NF1: variants seen among roughly 807,000 people sequenced by gnomAD.
The protein encoded by NF1 is neurofibromin 1.
Under a neutral mutation model 325.7 loss-of-function variants are expected in NF1, and 122 were observed. That is an observed-to-expected ratio of 0.37 (90% CI 0.32 to 0.44). The LOEUF (loss-of-function observed/expected upper bound fraction) is 0.44. NF1 is among the 20% of genes least tolerant of loss of function. The pLI, the probability that NF1 is intolerant of heterozygous loss-of-function variation, is 1.00. For synonymous variants in NF1, 1,091 were observed against 1,186.0 expected, an observed-to-expected ratio of 0.92 and a Z score of 1.65; for missense variants, 2,140 against 3,415.4, an observed-to-expected ratio of 0.63 and a Z score of 9.31.
chr17:31,103,445 A>G (rs938676442), intron 1 of NF1, among the ~76,000 whole-genome samples: 4 of 151,586 alleles, frequency 2.6e-5, no homozygotes, highest in Non-Finnish European at 5.9e-5. Flanking sequence ...GGGTTTTACC[A>G]TGTTGGCTAG....
At chr17:31,354,442 GAGA>G (rs2070223811) in intron 51 of NF1, among the ~76,000 whole-genome samples, 2 of 152,124 alleles carry the variant, frequency 1.3e-5, no homozygotes, top group South Asian at 4.1e-4. Flanking sequence ...GAAATGAGAT[GAGA>G]AGAAGGACTA....
At chr17:31,323,821 G>A (rs2069274941) in intron 36 of NF1, among the ~76,000 whole-genome samples, 1 of 152,034 alleles carries the variant, frequency 6.6e-6, no homozygotes, top group African/African-American at 2.4e-5. Context: ...TGACTGCCCA[G>A]TTTGTGTTAA....
At chr17:31,325,758 G>C (rs893747000) in intron 36 of NF1, 62 bp from the exon 37 acceptor site, 2 of 1,146,808 alleles carry the variant, frequency 1.7e-6, no homozygotes, top group East Asian at 4.7e-5. Flanking sequence ...TTGATTAGTG[G>C]CATCTGTATA....
rs398119783 is a variant in NF1, at chr17:31,218,969, A to AT, written c.1528-29dup. On this transcript the variant is annotated intron_variant, in intron 13 of 57. Coordinates refer to ENST00000358273, the MANE Select transcript of NF1 (RefSeq NM_001042492.3). ...CCTTCTAATCTCTCTCGATTTATTT[A>AT]TTTTTTTAATTGAAGTTTCCTTTTT... 1,013,711 of 1,531,434 alleles carry AT rather than the reference A, an allele frequency of 0.66. 342,313 individuals carry two copies. Among genetic ancestry groups the AT allele is most frequent in the Middle Eastern group, 0.77 (4,580 of 5,920 alleles). 94.9% of individuals were successfully genotyped at this position (1,531,434 alleles called of 1,614,324 possible). A position where few individuals can be genotyped will look rare whatever the true frequency, so the allele number is the denominator to read the frequency against.
rs1409014859 is a variant in NF1, at chr17:31,217,425, C to T, written c.1528-1580C>T. Among the ~76,000 whole-genome samples, 6 of 151,830 alleles carry T rather than the reference C, an allele frequency of 4.0e-5. No individual in the cohort carries two copies. The East Asian group carries it at 1.2e-3, about 30-fold the overall frequency. The stretch of plus-strand genomic sequence containing the variant: ...CTCCTGGGTTGAAGTGATTCTCCTG[C>T]CTCAGCCTCCCAGGTAGCTGAGATT... On this transcript the variant is annotated intron_variant, in intron 13 of 57. Coordinates refer to ENST00000358273, the MANE Select transcript of NF1 (RefSeq NM_001042492.3).
At chr17:31,331,939 A>AAAAT (rs2069506002) in intron 39 of NF1, 1 of 139,698 alleles carries the variant, frequency 7.2e-6, no homozygotes, top group Non-Finnish European at 1.6e-5. Flanking sequence ...AAAAAAAAAA[A>AAAAT]GTTGTATATA....
At chr17:31,108,197 T>A (rs888487076) in intron 1 of NF1, among the ~76,000 whole-genome samples, 1 of 150,536 alleles carries the variant, frequency 6.6e-6, no homozygotes, top group Non-Finnish European at 1.5e-5. Context: ...ACCAGTACAG[T>A]ATACCTATCA....
At chr17:31,286,255 C>T (rs1462085457) in intron 36 of NF1, among the ~76,000 whole-genome samples, 2 of 152,002 alleles carry the variant, frequency 1.3e-5, no homozygotes, top group Non-Finnish European at 2.9e-5. Context: ...CCAACACACC[C>T]GGCTAATTTT....
chr17:31,096,886 TA>T (rs1302692523), intron 1 of NF1, among the ~76,000 whole-genome samples: 3 of 152,138 alleles, frequency 2.0e-5, no homozygotes, highest in African/African-American at 4.8e-5. Flanking sequence ...TTACTGCATA[TA>T]AAAGATTACA....
At chr17:31,225,359 C>T in intron 17 of NF1, 109 bp downstream of exon 17, 1 of 1,230,604 alleles carries the variant, frequency 8.1e-7, no homozygotes, top group Non-Finnish European at 1.2e-6. Context: ...TGAAAAACTG[C>T]TTAGAATCTA....
chr17:31,149,003 A>C (rs926998710), intron 1 of NF1, among the ~76,000 whole-genome samples: 2 of 151,786 alleles, frequency 1.3e-5, no homozygotes, highest in Non-Finnish European at 2.9e-5. Context: ...TGAGCATTTC[A>C]TTCTTCTACT....
At chr17:31,236,093 G>A (rs2044077476) in intron 29 of NF1, 72 bp downstream of exon 29, 1 of 1,148,448 alleles carries the variant, frequency 8.7e-7, no homozygotes, top group Non-Finnish European at 1.3e-6. Flanking sequence ...TACTAACACT[G>A]CATGAAGCAA....
In NF1 at chr17:31,212,522, A is replaced by G. The variant is rs8072577; in HGVS notation, c.1393-1929A>G. Among the ~76,000 whole-genome samples the G allele has an allele frequency of 9.0e-3, 1,377 of 152,312 alleles. 21 individuals carry two copies. Among genetic ancestry groups the G allele is most frequent in the African/African-American group, 0.032 (1,319 of 41,574 alleles). ...TCAGGAGTCGAGACCAGCCTGGCCA[A>G]CATGGCAAAACCTCTTCTCTACTAA... On this transcript the variant is annotated intron_variant, in intron 12 of 57. Coordinates refer to ENST00000358273, the MANE Select transcript of NF1 (RefSeq NM_001042492.3).
intron 36 of NF1, among the ~76,000 whole-genome samples, chr17:31,322,442 GCATGAGCTAAGAT>G (rs1567895466): frequency 3.1e-5 from 4 of 129,438 alleles, no homozygotes; most frequent in Admixed American, 2.8e-4. Context: ...GATCTTGGCT[GCATGAGCTAAGAT>G]CATGCCACTG....
chr17:31,321,619 A>G (rs2069195604), intron 36 of NF1: 1 of 152,140 alleles, frequency 6.6e-6, no homozygotes, highest in Admixed American at 6.5e-5. Context: ...CTGCAGTAAA[A>G]AAGGATATGT....
At chr17:31,117,727 G>A (rs920681755) in intron 1 of NF1, among the ~76,000 whole-genome samples, 9 of 130,494 alleles carry the variant, frequency 6.9e-5, no homozygotes, top group Admixed American at 1.7e-4. Context: ...GCACATAGAA[G>A]GGACTCAATA....
At position 31,336,247 on chromosome 17, in the gene NF1, G is replaced by T. The variant is rs2069665598; in HGVS notation, c.6007-86G>T. On this transcript the variant is annotated intron_variant, in intron 40 of 57. Transcript: ENST00000358273. The surrounding 1 kb of genome is among the most constrained non-coding windows in gnomAD (Gnocchi z 5.5). Reference sequence around the variant, plus strand: ...TCAGGTAAAATAGAATTTTCATATTGATTAGGCTGTTCCAATGAATATTTT... The same window carrying T: ...TCAGGTAAAATAGAATTTTCATATTTATTAGGCTGTTCCAATGAATATTTT... The T allele has an allele frequency of 1.2e-5, 17 of 1,425,472 alleles. No homozygotes were observed. The highest frequency in any genetic ancestry group is 1.5e-5 in the Non-Finnish European group (15 of 1,031,530). 88.3% of individuals were successfully genotyped at this position (1,425,472 alleles called of 1,614,324 possible). A position where few individuals can be genotyped will look rare whatever the true frequency, so the allele number is the denominator to read the frequency against.
chr17:31,168,583 G>A (rs550358799), intron 4 of NF1, among the ~76,000 whole-genome samples: 15 of 152,010 alleles, frequency 9.9e-5, no homozygotes, highest in Non-Finnish European at 1.3e-4. Flanking sequence ...GTTGGACTGC[G>A]TTATTTGCCT....
At chr17:31,224,116 A>C (rs1476551708) in intron 16 of NF1, among the ~76,000 whole-genome samples, 1 of 152,130 alleles carries the variant, frequency 6.6e-6, no homozygotes, top group Non-Finnish European at 1.5e-5. Context: ...GAGGGTCCTC[A>C]ATCTAGATTT....
Sources: allele counts gnomAD v4.1 joint callset (sites outside exome capture counted in the v4.1 genomes callset), GRCh38; gene constraint gnomAD v4.1.1; non-coding constraint Gnocchi (gnomAD v3.1); transcripts MANE v1.5; gene names NCBI Gene and HGNC (gene_info 2026-07-23, HGNC 2026-07-21).